The following CSTPP1 variants were observed in gnomAD, a reference collection of about 807,000 sequenced individuals.
The protein encoded by CSTPP1 is UPF0705 protein C11orf49.
the CSTPP1 span, among the ~76,000 whole-genome samples, chr11:47,022,524 C>T: frequency 6.6e-6 from 1 of 151,742 alleles, no homozygotes; most frequent in Admixed American, 6.6e-5. Flanking sequence ...CGTGCGCCAC[C>T]ACACCTGGCT....
chr11:46,996,080 T>C, the CSTPP1 span, among the ~76,000 whole-genome samples: 1,165 of 152,336 alleles, frequency 7.6e-3, 15 homozygotes, highest in African/African-American at 0.027. Context: ...GTCTGTTTAA[T>C]CAAAGACTAG....
the CSTPP1 span, among the ~76,000 whole-genome samples, chr11:46,944,378 C>T: frequency 6.6e-6 from 1 of 151,474 alleles, no homozygotes; most frequent in Admixed American, 6.6e-5. Context: ...CCTGTTAGAG[C>T]ACCTGTGTAG....
chr11:47,147,884 G>A, the CSTPP1 span, among the ~76,000 whole-genome samples: 1 of 152,192 alleles, frequency 6.6e-6, no homozygotes. Flanking sequence ...TGCTGACAGA[G>A]TAAGCCCTTG....
At chr11:47,146,302 T>C in the CSTPP1 span, among the ~76,000 whole-genome samples, 2 of 146,848 alleles carry the variant, frequency 1.4e-5, no homozygotes, top group South Asian at 2.1e-4. Context: ...GAGGTGGAGA[T>C]TGCAGTGAGC....
chr11:47,117,868 A>G, the CSTPP1 span, among the ~76,000 whole-genome samples: 2 of 114,138 alleles, frequency 1.8e-5, no homozygotes. Context: ...TTCTCGCTGT[A>G]TTTCTTTTCT....
At chr11:47,161,598 G>C in the CSTPP1 span, 1 of 1,614,042 alleles carries the variant, frequency 6.2e-7, no homozygotes, top group Non-Finnish European at 8.5e-7. Context: ...GATGGAGAGA[G>C]TGATGGCTCC....
chr11:47,164,249 G>T, the CSTPP1 span: 1 of 1,612,580 alleles, frequency 6.2e-7, no homozygotes, highest in Non-Finnish European at 8.5e-7. Context: ...AGCCCAGAGA[G>T]TGAGGCCAGG....
the CSTPP1 span, among the ~76,000 whole-genome samples, chr11:47,013,284 A>G: frequency 1.3e-5 from 2 of 151,630 alleles, no homozygotes; most frequent in Non-Finnish European, 2.9e-5. Flanking sequence ...TGTACAGGAT[A>G]TGCAGGTTTG....
At chr11:47,026,091 G>C in the CSTPP1 span, among the ~76,000 whole-genome samples, 243 of 152,332 alleles carry the variant, frequency 1.6e-3, no homozygotes, top group African/African-American at 5.5e-3. Context: ...GGGTGAACCA[G>C]TTGACAAAAG....
At chr11:46,966,423 T>A in the CSTPP1 span, among the ~76,000 whole-genome samples, 7 of 152,314 alleles carry the variant, frequency 4.6e-5, 1 homozygote, top group Admixed American at 6.5e-5. Flanking sequence ...ACTGCACAGA[T>A]GTAGAGTTTT....
the CSTPP1 span, among the ~76,000 whole-genome samples, chr11:47,102,632 T>G: frequency 6.6e-6 from 1 of 152,108 alleles, no homozygotes; most frequent in Non-Finnish European, 1.5e-5. Flanking sequence ...AAAAAAAGAC[T>G]GAGAAACTTT....
At chr11:46,994,468 G>T in the CSTPP1 span, among the ~76,000 whole-genome samples, 1 of 152,166 alleles carries the variant, frequency 6.6e-6, no homozygotes, top group Non-Finnish European at 1.5e-5. Flanking sequence ...CTGATTTATT[G>T]AGAGTTTTTA....
chr11:47,161,215 G>A, the CSTPP1 span: 4 of 1,614,036 alleles, frequency 2.5e-6, no homozygotes, highest in Non-Finnish European at 2.5e-6. Flanking sequence ...GGAGGATACT[G>A]CCCCCTTGTG....
the CSTPP1 span, among the ~76,000 whole-genome samples, chr11:47,026,233 A>C: frequency 1.3e-5 from 2 of 152,250 alleles, no homozygotes; most frequent in African/African-American, 4.8e-5. Flanking sequence ...AAAGAGAAAC[A>C]GTCTGTCCAG....
At chr11:47,118,260 A>G in the CSTPP1 span, among the ~76,000 whole-genome samples, 1 of 152,104 alleles carries the variant, frequency 6.6e-6, no homozygotes, top group Non-Finnish European at 1.5e-5. Context: ...AAGCTTGTGC[A>G]TGCGTCACGA....
chr11:47,100,499 A>G, the CSTPP1 span, among the ~76,000 whole-genome samples: 1 of 152,198 alleles, frequency 6.6e-6, no homozygotes, highest in Non-Finnish European at 1.5e-5. Flanking sequence ...TGTTAGCAAT[A>G]ATGTTATTCA....
the CSTPP1 span, among the ~76,000 whole-genome samples, chr11:47,109,856 T>C: frequency 6.6e-6 from 1 of 152,356 alleles, no homozygotes; most frequent in East Asian, 1.9e-4. Flanking sequence ...ACATGCTAGA[T>C]TGCAACATGC....
At chr11:47,070,975 G>A in the CSTPP1 span, among the ~76,000 whole-genome samples, 1 of 151,994 alleles carries the variant, frequency 6.6e-6, no homozygotes, top group South Asian at 2.1e-4. Context: ...CTCTGTTTTT[G>A]CTTTCCCACC....
the CSTPP1 span, among the ~76,000 whole-genome samples, chr11:46,941,784 G>A: frequency 6.6e-6 from 1 of 152,134 alleles, no homozygotes; most frequent in Non-Finnish European, 1.5e-5. Flanking sequence ...ACTTGTATGT[G>A]TAAGCCTAAA....
Sources: allele counts gnomAD v4.1 joint callset (sites outside exome capture counted in the v4.1 genomes callset), GRCh38; gene constraint gnomAD v4.1.1; transcripts MANE v1.5; gene names NCBI Gene and HGNC (gene_info 2026-07-23, HGNC 2026-07-21).